The following LRRIQ3 variants were observed in gnomAD, a reference collection of about 807,000 sequenced individuals.
The protein encoded by LRRIQ3 is leucine rich repeats and IQ motif containing 3, also known as leucine-rich repeat and IQ domain-containing protein 3.
In LRRIQ3, 75 loss-of-function variants were observed where a neutral mutation model predicts 59.3. The observed-to-expected ratio is 1.26, with a 90% CI of 1.05 to 1.53. The LOEUF is 1.53. Ranked by LOEUF, LRRIQ3 falls within the 40% of genes most tolerant of loss-of-function variation. The pLI is 0.00. For synonymous variants in LRRIQ3, 250 were observed against 231.3 expected (o/e 1.08, Z -0.73); for missense variants, 831 against 710.0 (o/e 1.17, Z -1.94).
chr1:74,131,539 G>C lies in LRRIQ3; in HGVS notation c.708-21986C>G, dbSNP rs369203877. Among the ~76,000 whole-genome samples, 9 of 152,270 alleles carry C rather than the reference G, an allele frequency of 5.9e-5. No homozygotes were observed. The East Asian group carries it at 1.7e-3, about 29-fold the overall frequency. ...AAGCTTATCCACCATGATCAAGTGG[G>C]CTTCAACCCTGGGATTCAAGGCTGG... On this transcript the variant is annotated intron_variant, in intron 4 of 7. Transcript: ENST00000354431.
At chr1:74,089,009 T>C (rs1324541955) in intron 5 of LRRIQ3, among the ~76,000 whole-genome samples, 1 of 152,002 alleles carries the variant, frequency 6.6e-6, no homozygotes, top group African/African-American at 2.4e-5. Context: ...AGGATTTAAA[T>C]AGACAGTTCT....
At chr1:74,075,461 G>A (rs563388004) in intron 5 of LRRIQ3, among the ~76,000 whole-genome samples, 32 of 152,084 alleles carry the variant, frequency 2.1e-4, no homozygotes, top group African/African-American at 5.3e-4. Context: ...CAGCTACTCA[G>A]GAGGCCAAGG....
chr1:74,184,493 T>C (rs981972932), intron 1 of LRRIQ3, among the ~76,000 whole-genome samples: 2 of 152,162 alleles, frequency 1.3e-5, no homozygotes, highest in African/African-American at 2.4e-5. Flanking sequence ...GAAGAATCGA[T>C]TTCTACGATG....
chr1:74,094,301 G>T (rs1379002387), intron 5 of LRRIQ3, among the ~76,000 whole-genome samples: 1 of 152,044 alleles, frequency 6.6e-6, no homozygotes, highest in Non-Finnish European at 1.5e-5. Flanking sequence ...AAAGATATTT[G>T]CAGATGTGAT....
At chr1:74,027,824 A>T (rs1362026772) in intron 7 of LRRIQ3, among the ~76,000 whole-genome samples, 2 of 152,090 alleles carry the variant, frequency 1.3e-5, no homozygotes, top group African/African-American at 4.8e-5. Flanking sequence ...GCTTATCAAA[A>T]GTTAAGAGAA....
chr1:74,099,821 A>G (rs900212625), intron 5 of LRRIQ3, among the ~76,000 whole-genome samples: 2 of 152,210 alleles, frequency 1.3e-5, no homozygotes, highest in African/African-American at 4.8e-5. Context: ...GATTATCTCA[A>G]TAGATGCAGA....
chr1:74,084,517 C>T lies in LRRIQ3; in HGVS notation c.868-9727G>A, dbSNP rs147809193. 5.1e-4 allele frequency among the ~76,000 whole-genome samples: 77 copies of T among 151,692 alleles called. No homozygotes were observed. In the East Asian group the frequency reaches 7.6e-3, roughly 15 times the overall value. ...GTCCCCAAATATTTTTCTTGTGAAA[C>T]GAGTGTATGCATTTCTGATAAATAT... On this transcript the variant is annotated intron_variant, in intron 5 of 7. Coordinates refer to ENST00000354431, the MANE Select transcript of LRRIQ3 (RefSeq NM_001105659.2).
intron 6 of LRRIQ3, among the ~76,000 whole-genome samples, chr1:74,058,347 G>A (rs1325136567): frequency 6.6e-6 from 1 of 152,044 alleles, no homozygotes; most frequent in East Asian, 1.9e-4. Flanking sequence ...AATGGATAAT[G>A]AAAATGTGGT....
intron 3 of LRRIQ3, among the ~76,000 whole-genome samples, chr1:74,173,286 G>T: frequency 9.3e-6 from 1 of 107,264 alleles, no homozygotes; most frequent in African/African-American, 2.9e-5. Context: ...AAGAGTGAGA[G>T]TCCATCTCAA....
At chr1:74,057,531 C>T (rs989788963) in intron 6 of LRRIQ3, among the ~76,000 whole-genome samples, 12 of 152,072 alleles carry the variant, frequency 7.9e-5, no homozygotes, top group African/African-American at 2.9e-4. Context: ...GCTGCAAACA[C>T]TAAATATTCA....
chr1:74,156,956 T>C (rs1648369039), intron 3 of LRRIQ3, among the ~76,000 whole-genome samples: 1 of 152,074 alleles, frequency 6.6e-6, no homozygotes, highest in African/African-American at 2.4e-5. Context: ...TTATCAACCC[T>C]ATTACACTTA....
intron 6 of LRRIQ3, among the ~76,000 whole-genome samples, chr1:74,044,946 T>C (rs1026907898): frequency 1.3e-5 from 2 of 151,954 alleles, no homozygotes; most frequent in Admixed American, 6.6e-5. Context: ...CAATAACTAG[T>C]TCTGAAATTG....
At chr1:74,090,234 C>A (rs1436737120) in intron 5 of LRRIQ3, among the ~76,000 whole-genome samples, 1 of 151,504 alleles carries the variant, frequency 6.6e-6, no homozygotes, top group Non-Finnish European at 1.5e-5. Context: ...TTTGGGGATC[C>A]AAATATAAAT....
At chr1:74,175,586 T>C (rs1649591332) in intron 3 of LRRIQ3, among the ~76,000 whole-genome samples, 2 of 152,308 alleles carry the variant, frequency 1.3e-5, no homozygotes, top group East Asian at 1.9e-4. Context: ...GTTCCTTTTA[T>C]CCTTTTAACA....
chr1:74,112,382 G>A (rs1272555858), intron 4 of LRRIQ3, among the ~76,000 whole-genome samples: 1 of 152,092 alleles, frequency 6.6e-6, no homozygotes, highest in Admixed American at 6.6e-5. Flanking sequence ...AGCTCCATGA[G>A]ACTAAAAAGG....
chr1:74,027,894 C>G (rs921613894), intron 7 of LRRIQ3, among the ~76,000 whole-genome samples: 1 of 151,684 alleles, frequency 6.6e-6, no homozygotes, highest in Non-Finnish European at 1.5e-5. Context: ...CATTATGTAA[C>G]AAGTCAGAGT....
intron 5 of LRRIQ3, chr1:74,084,107 C>T: frequency 6.7e-7 from 1 of 1,492,672 alleles, no homozygotes; most frequent in Non-Finnish European, 9.0e-7. Flanking sequence ...GACAAGTTTT[C>T]ATCCTGTTGT....
intron 5 of LRRIQ3, among the ~76,000 whole-genome samples, chr1:74,076,416 G>A (rs1646210442): frequency 6.6e-6 from 1 of 152,010 alleles, no homozygotes; most frequent in Non-Finnish European, 1.5e-5. Context: ...ATACTCAAGA[G>A]AATCAAAACA....
chr1:74,075,495 A>G (rs1646196604), intron 5 of LRRIQ3, among the ~76,000 whole-genome samples: 1 of 152,056 alleles, frequency 6.6e-6, no homozygotes, highest in African/African-American at 2.4e-5. Context: ...TGAACCCAGC[A>G]GGCGGACATT....
Sources: allele counts gnomAD v4.1 joint callset (sites outside exome capture counted in the v4.1 genomes callset), GRCh38; gene constraint gnomAD v4.1.1; transcripts MANE v1.5; gene names NCBI Gene and HGNC (gene_info 2026-07-23, HGNC 2026-07-21).